Variants in HSD17B4 observed in about 807,000 individuals in gnomAD.
HSD17B4 encodes hydroxysteroid 17-beta dehydrogenase 4.
Under a neutral mutation model 101.0 loss-of-function variants are expected in HSD17B4, and 70 were observed. That is an observed-to-expected ratio of 0.69 (90% CI 0.57 to 0.85). HSD17B4 has a LOEUF of 0.85. HSD17B4 is among the 40% of genes least tolerant of loss of function. The pLI, the probability that HSD17B4 is intolerant of heterozygous loss-of-function variation, is 0.00. For missense variants in HSD17B4, 984 were observed against 892.4 expected (o/e 1.10, Z -1.31); for synonymous variants, 347 against 297.1 (o/e 1.17, Z -1.73).
intron 9 of HSD17B4, among the ~76,000 whole-genome samples, 167 bp from the exon 10 acceptor site, chr5:119,491,933 G>A (rs1020347905): frequency 6.6e-6 from 1 of 152,132 alleles, no homozygotes; most frequent in African/African-American, 2.4e-5. Flanking sequence ...CATGAGCAGT[G>A]CAAAGTCATG....
intron 2 of HSD17B4, among the ~76,000 whole-genome samples, chr5:119,461,975 C>T (rs993715550): frequency 6.6e-6 from 1 of 152,070 alleles, no homozygotes; most frequent in African/African-American, 2.4e-5. Flanking sequence ...GAAAAATCTT[C>T]TGTAGTTAAT....
chr5:119,491,745 A>T (rs1750128625), intron 9 of HSD17B4, among the ~76,000 whole-genome samples: 2 of 152,226 alleles, frequency 1.3e-5, no homozygotes. Flanking sequence ...CATGGTAACC[A>T]CATGAAATAT....
intron 1 of HSD17B4, among the ~76,000 whole-genome samples, chr5:119,453,018 C>T (rs1754226752): frequency 6.6e-6 from 1 of 152,184 alleles, no homozygotes; most frequent in South Asian, 2.1e-4. Context: ...TGAAAAGCCG[C>T]GAGGGGCGGG....
intron 23 of HSD17B4, among the ~76,000 whole-genome samples, chr5:119,541,164 A>G (rs907021089): frequency 2.6e-5 from 4 of 152,228 alleles, no homozygotes; most frequent in Non-Finnish European, 5.9e-5. Flanking sequence ...GTTAGATACA[A>G]AACTGCTACA....
At chr5:119,516,122 A>G (rs1031358408) in intron 17 of HSD17B4, among the ~76,000 whole-genome samples, 27 of 152,210 alleles carry the variant, frequency 1.8e-4, no homozygotes, top group African/African-American at 5.8e-4. Flanking sequence ...AAGTTGGTAC[A>G]TATGTATTTT....
rs146514789 is a variant in HSD17B4, at chr5:119,525,942, A to G, written c.1599A>G (p.Gly533=). Residue 533 remains glycine, a synonymous_variant, in exon 19 of 24, where the codon GGA becomes GGG. Transcript: ENST00000510025. ...GTTTTGACAAGCCCATATTACATGG[A>G]TTATGTACATTTGGATTTTCTGCCA... is the stretch of plus-strand genomic sequence containing the variant. The part of the protein sequence containing the change: ...LAGFDKPILH[G]LCTFGFSARR... The G allele has an allele frequency of 8.1e-6, 13 of 1,609,564 alleles. No individual in the cohort carries two copies. In the African/African-American group the frequency reaches 1.7e-4, roughly 22 times the overall value.
chr5:119,475,552 T>C (rs1748500525), intron 4 of HSD17B4, 154 bp from the exon 5 acceptor site: 6 of 611,652 alleles, frequency 9.8e-6, no homozygotes, highest in South Asian at 2.1e-5. Flanking sequence ...TTTTTTGATA[T>C]AGGTATAGAC....
intron 19 of HSD17B4, 140 bp downstream of exon 19, chr5:119,526,163 T>C (rs1481847217): frequency 1.5e-5 from 10 of 657,956 alleles, no homozygotes; most frequent in Non-Finnish European, 2.5e-5. Flanking sequence ...GACCTGGCAA[T>C]CAGCACACTT....
At chr5:119,518,032 C>T (rs1752794207) in intron 17 of HSD17B4, among the ~76,000 whole-genome samples, 1 of 152,154 alleles carries the variant, frequency 6.6e-6, no homozygotes, top group Non-Finnish European at 1.5e-5. Flanking sequence ...CTCTACCAAT[C>T]AGCAGGACGT....
chr5:119,537,095 T>A (rs1409863368), intron 23 of HSD17B4, among the ~76,000 whole-genome samples: 1 of 152,090 alleles, frequency 6.6e-6, no homozygotes, highest in Non-Finnish European at 1.5e-5. Flanking sequence ...TATTTTCAAT[T>A]TGTGATTATG....
rs1018258580 is a variant in HSD17B4, at chr5:119,478,782, A to G, written c.435-52A>G. ...GTACCAAAACAGAGTTAGAGTTGCA[A>G]TGTTATCAAATTATGGAAAAGATGA... On this transcript the variant is annotated intron_variant, in intron 7 of 23. Coordinates refer to ENST00000510025, the MANE Select transcript of HSD17B4 (RefSeq NM_000414.4). The G allele has an allele frequency of 1.2e-5, 18 of 1,479,198 alleles. No homozygotes were observed. The African/African-American group carries it at 1.9e-4, about 16-fold the overall frequency. The allele number at this position is 1,479,198 out of a possible 1,614,324, so 91.6% of individuals were successfully genotyped here. A position where few individuals can be genotyped will look rare whatever the true frequency, so the allele number is the denominator to read the frequency against.
At chr5:119,509,103 G>T in intron 15 of HSD17B4, 38 bp from the exon 16 acceptor site, 2 of 1,150,650 alleles carry the variant, frequency 1.7e-6, no homozygotes, top group South Asian at 1.2e-5. Context: ...GCCTTTTGGT[G>T]GTAACTTCTT....
chr5:119,519,959 C>T (rs933513377), intron 17 of HSD17B4, among the ~76,000 whole-genome samples: 2 of 152,204 alleles, frequency 1.3e-5, no homozygotes, highest in Non-Finnish European at 2.9e-5. Context: ...CTAGGTCCCA[C>T]TCGCAGCTCC....
In HSD17B4 at chr5:119,499,339, T is replaced by C; in HGVS notation, c.995T>C (p.Leu332Pro). The C allele has an allele frequency of 6.2e-7, 1 of 1,613,242 alleles. No individual in the cohort carries two copies. The highest frequency in any genetic ancestry group is 8.5e-7 in the Non-Finnish European group (1 of 1,179,242). Residue 332 changes from leucine to proline, a missense_variant, in exon 13 of 24, where the codon CTC (leucine) becomes CCC (proline). Leu to Pro is a moderately conservative substitution (Grantham distance 98, BLOSUM62 -3). Transcript: ENST00000510025. ...SGFAGAIGQK[L>P]PPFSYAYTEL... ...TAGGCTGGAGCTATTGGCCAGAAACTCCCTCCATTTTCTTATGCTTATACG... is the reference window on the plus strand; with the variant it reads ...TAGGCTGGAGCTATTGGCCAGAAACCCCCTCCATTTTCTTATGCTTATACG...
At chr5:119,539,073 A>T (rs143279911) in intron 23 of HSD17B4, among the ~76,000 whole-genome samples, 1 of 152,178 alleles carries the variant, frequency 6.6e-6, no homozygotes, top group Non-Finnish European at 1.5e-5. Flanking sequence ...AAACTTCTGC[A>T]TGTCAGACTC....
intron 8 of HSD17B4, among the ~76,000 whole-genome samples, chr5:119,486,727 G>C (rs1749642948): frequency 6.6e-6 from 1 of 151,880 alleles, no homozygotes; most frequent in Non-Finnish European, 1.5e-5. Flanking sequence ...TTTTATTCTT[G>C]TACATGTGTT....
At chr5:119,459,108 C>T (rs912761373) in intron 2 of HSD17B4, among the ~76,000 whole-genome samples, 1 of 152,224 alleles carries the variant, frequency 6.6e-6, no homozygotes, top group African/African-American at 2.4e-5. Context: ...AAAGCTGAGT[C>T]TTAACTTCCT....
intron 16 of HSD17B4, among the ~76,000 whole-genome samples, chr5:119,510,588 A>T (rs1752080374): frequency 6.6e-6 from 1 of 152,226 alleles, no homozygotes; most frequent in African/African-American, 2.4e-5. Context: ...AACAACCATG[A>T]CTTGTAAAAA....
chr5:119,509,557 T>G, intron 16 of HSD17B4: 1 of 424,772 alleles, frequency 2.4e-6, no homozygotes. Context: ...TTCTTCTTCC[T>G]CTTCTTCTTT....
Sources: gnomAD v4.1 joint callset for allele counts (sites outside exome capture counted in the v4.1 genomes callset) on GRCh38, gnomAD v4.1.1 for gene constraint, MANE v1.5 for transcripts, NCBI Gene and HGNC (gene_info 2026-07-23, HGNC 2026-07-21) for gene names.